KLC1: variants seen among roughly 807,000 people sequenced by gnomAD.
KLC1 encodes kinesin 2 60/70kDa.
Under a neutral mutation model 84.2 loss-of-function variants are expected in KLC1, and 30 were observed. That is an observed-to-expected ratio of 0.36 (90% CI 0.27 to 0.48). The LOEUF (loss-of-function observed/expected upper bound fraction) is 0.48, where lower values mean the gene tolerates loss of function less well. Among genes scored for constraint, KLC1 ranks in the 20% least tolerant of loss-of-function variants. KLC1 has a pLI of 0.99. For missense variants in KLC1, 499 were observed against 805.4 expected (o/e 0.62, Z 4.60); for synonymous variants, 289 against 293.3 (o/e 0.99, Z 0.15).
chr14:103,631,065 C>T (rs1461924959), intron 1 of KLC1, among the ~76,000 whole-genome samples: 3 of 152,060 alleles, frequency 2.0e-5, no homozygotes, highest in Non-Finnish European at 4.4e-5. Flanking sequence ...CAAATAACTG[C>T]AGTCGTTTAA....
chr14:103,649,735 G>A (rs1254325298), intron 1 of KLC1, among the ~76,000 whole-genome samples: 2 of 148,898 alleles, frequency 1.3e-5, no homozygotes. Context: ...TCGCTCTGTC[G>A]CCCAGGCTGG....
intron 13 of KLC1, chr14:103,684,988 G>C (rs1486095007): frequency 2.8e-6 from 3 of 1,053,922 alleles, no homozygotes; most frequent in Middle Eastern, 2.0e-4. Flanking sequence ...TTTTAAAGAT[G>C]AGGAAAATGA....
At chr14:103,665,048 G>C (rs2079641426) in intron 5 of KLC1, among the ~76,000 whole-genome samples, 2 of 151,932 alleles carry the variant, frequency 1.3e-5, no homozygotes, top group African/African-American at 2.4e-5. Flanking sequence ...TGACCCACGT[G>C]CGTAGATGTT....
At chr14:103,688,810 C>G (rs2081935088) in intron 14 of KLC1, among the ~76,000 whole-genome samples, 1 of 152,130 alleles carries the variant, frequency 6.6e-6, no homozygotes, top group Non-Finnish European at 1.5e-5. Flanking sequence ...CCTGGAAGAT[C>G]CCAAGGATTT....
intron 3 of KLC1, 100 bp downstream of exon 3, chr14:103,657,876 TATTAGAAC>T (rs1225529873): frequency 7.1e-6 from 6 of 849,756 alleles, no homozygotes; most frequent in African/African-American, 6.8e-5. Flanking sequence ...TATTAGAACA[TATTAGAAC>T]ATTAGAACAT....
chr14:103,679,869 T>A (rs775932629), intron 13 of KLC1: 23 of 244,294 alleles, frequency 9.4e-5, no homozygotes, highest in Non-Finnish European at 1.6e-4. Context: ...CTAACTTGCT[T>A]CTTTAACTCA....
chr14:103,679,898 C>T (rs1300249891), intron 13 of KLC1: 1 of 201,720 alleles, frequency 5.0e-6, no homozygotes, highest in Admixed American at 5.7e-5. Flanking sequence ...ATTGCTAACT[C>T]CAGTGCTCCT....
chr14:103,661,986 A>G (rs1567021937), intron 3 of KLC1, 130 bp from the exon 4 acceptor site: 5 of 677,386 alleles, frequency 7.4e-6, no homozygotes, highest in Non-Finnish European at 1.3e-5. Context: ...CGGCGATCCT[A>G]CATTTGATGT....
chr14:103,654,019 C>A (rs997701126), intron 1 of KLC1, among the ~76,000 whole-genome samples: 2 of 152,198 alleles, frequency 1.3e-5, no homozygotes, highest in African/African-American at 4.8e-5. Flanking sequence ...GTGCCATCCT[C>A]ATCTGTGAGC....
chr14:103,700,284 C>T (rs1212759114), intron 15 of KLC1: 1 of 236,526 alleles, frequency 4.2e-6, no homozygotes, highest in Non-Finnish European at 8.3e-6. Flanking sequence ...CTGTGCCCAC[C>T]AGCTCCCAGG....
intron 1 of KLC1, among the ~76,000 whole-genome samples, chr14:103,643,676 C>G (rs1238031308): frequency 1.3e-5 from 2 of 152,110 alleles, no homozygotes; most frequent in Non-Finnish European, 2.9e-5. Context: ...GCCTGTAATC[C>G]CAACACTTTG....
At position 103,694,284 on chromosome 14, in the gene KLC1, C is replaced by G. The variant is rs1026991012; in HGVS notation, c.1848+1859C>G. 3 of 931,626 alleles carry G rather than the reference C, an allele frequency of 3.2e-6. No homozygotes were observed. Among genetic ancestry groups the G allele is most frequent in the Admixed American group, 7.7e-5 (1 of 13,064 alleles). The allele number at this position is 931,626 out of a possible 1,614,324, so 57.7% of individuals were successfully genotyped here. A position where few individuals can be genotyped will look rare whatever the true frequency, so the allele number is the denominator to read the frequency against. ...TTTTTTTTTTTGAGACGGAGTCTAA[C>G]TCTGTTGCCCAGGCTGGAGCGCAGT... is the stretch of plus-strand genomic sequence containing the variant. On this transcript the variant is annotated intron_variant, in intron 15 of 16. Transcript: ENST00000334553. This position sits in a 1 kb window ranked among gnomAD's most constrained non-coding sequence, Gnocchi z 4.5.
chr14:103,648,778 G>A (rs558424986), intron 1 of KLC1, among the ~76,000 whole-genome samples: 1 of 152,236 alleles, frequency 6.6e-6, no homozygotes, highest in Admixed American at 6.5e-5. Flanking sequence ...TTCAGCCTGG[G>A]TGACAGAGTG....
intron 15 of KLC1, 145 bp from the exon 16 acceptor site, chr14:103,700,510 C>A (rs556445310): frequency 8.6e-5 from 51 of 596,368 alleles, no homozygotes; most frequent in African/African-American, 8.5e-4. Context: ...GCAGCTCTGG[C>A]CAGATGGAGG....
chr14:103,698,507 C>T, intron 15 of KLC1: 2 of 478,840 alleles, frequency 4.2e-6, no homozygotes, highest in Non-Finnish European at 7.7e-6. Flanking sequence ...ACACCCCAGG[C>T]TCCAGCCCTG....
chr14:103,659,217 G>A (rs1595395115), intron 3 of KLC1, among the ~76,000 whole-genome samples: 2 of 151,902 alleles, frequency 1.3e-5, no homozygotes, highest in South Asian at 4.2e-4. Flanking sequence ...CCCCCGCCTC[G>A]GCCTCCCAAA....
intron 1 of KLC1, among the ~76,000 whole-genome samples, chr14:103,638,063 C>G (rs1276131187): frequency 2.0e-5 from 3 of 152,048 alleles, no homozygotes; most frequent in African/African-American, 7.2e-5. Context: ...CCTCAGGACC[C>G]TCTTTGCTGG....
At chr14:103,692,494 CACTCGGCCCCT>C (rs1269418653) in intron 15 of KLC1, 69 bp downstream of exon 15, 2 of 1,345,190 alleles carry the variant, frequency 1.5e-6, no homozygotes, top group Non-Finnish European at 2.1e-6. Flanking sequence ...TGCAGACCCG[CACTCGGCCCCT>C]GCTCGGCCCC....
At position 103,701,248 on chromosome 14, in the gene KLC1, C is replaced by T. The variant is rs767637490; in HGVS notation, c.*49C>T. On this transcript the variant is annotated 3_prime_UTR_variant, in exon 17 of 17. Transcript: ENST00000334553. ...CAGGATGGGACTGCCGAGTGTGGCC[C>T]GGAGCTGGCCCGGGACAGCCAGGGC... 119 of 1,545,030 alleles carry T rather than the reference C, an allele frequency of 7.7e-5. 1 individual carries two copies. The Admixed American group carries it at 9.0e-4, about 12-fold the overall frequency.
Sources: gnomAD v4.1 joint callset for allele counts (sites outside exome capture counted in the v4.1 genomes callset) on GRCh38, gnomAD v4.1.1 for gene constraint, Gnocchi (gnomAD v3.1) non-coding constraint, MANE v1.5 for transcripts, NCBI Gene and HGNC (gene_info 2026-07-23, HGNC 2026-07-21) for gene names.